The following RPS6KB1 variants were observed in gnomAD, a reference collection of about 807,000 sequenced individuals.
RPS6KB1 encodes the protein ribosomal protein S6 kinase beta-1.
In RPS6KB1, 12 loss-of-function variants were observed where a neutral mutation model predicts 70.2. That is an observed-to-expected ratio of 0.17 (90% confidence interval 0.11 to 0.28). RPS6KB1 has a LOEUF of 0.28. Ranked by LOEUF, RPS6KB1 falls within the 10% of genes least tolerant of loss-of-function variation. The probability of loss-of-function intolerance (pLI) is 1.00; values close to 1 mark genes in which losing one functional copy is unlikely to be tolerated. For missense variants in RPS6KB1, 270 were observed against 646.6 expected, an observed-to-expected ratio of 0.42 and a Z score of 6.32; for synonymous variants, 175 against 211.2, an observed-to-expected ratio of 0.83 and a Z score of 1.49.
At chr17:59,924,839 A>G in intron 4 of RPS6KB1, among the ~76,000 whole-genome samples, 1 of 149,496 alleles carries the variant, frequency 6.7e-6, no homozygotes, top group African/African-American at 2.5e-5. Context: ...TTATTTATTT[A>G]TTTTTTTGAG....
intron 7 of RPS6KB1, among the ~76,000 whole-genome samples, chr17:59,932,285 G>A (rs2043967665): frequency 6.6e-6 from 1 of 151,780 alleles, no homozygotes; most frequent in Non-Finnish European, 1.5e-5. Flanking sequence ...GATGGTGGGT[G>A]CCTGTAATCC....
chr17:59,915,500 C>T (rs901932098), intron 4 of RPS6KB1, among the ~76,000 whole-genome samples: 1 of 151,972 alleles, frequency 6.6e-6, no homozygotes, highest in African/African-American at 2.4e-5. Flanking sequence ...AACTCTCACT[C>T]TGTTGTCCAG....
intron 4 of RPS6KB1, among the ~76,000 whole-genome samples, chr17:59,915,241 G>A (rs181245503): frequency 2.2e-3 from 327 of 151,922 alleles, no homozygotes; most frequent in African/African-American, 7.5e-3. Flanking sequence ...CACCTGCCTC[G>A]GCATCCCAAA....
At chr17:59,897,796 T>C (rs1298843) in intron 1 of RPS6KB1, among the ~76,000 whole-genome samples, 70,216 of 151,526 alleles carry the variant, frequency 0.46, 16,350 homozygotes, top group East Asian at 0.56. Context: ...GAAACCCAGT[T>C]TCTACTAAAA....
In RPS6KB1 at chr17:59,893,652, G is replaced by T; in HGVS notation, c.141+327G>T. 2.1e-6 allele frequency: 1 copy of T among 482,802 alleles called. No individual in the cohort carries two copies. The highest frequency in any genetic ancestry group is 3.0e-6 in the Non-Finnish European group (1 of 334,406). The allele number at this position is 482,802 out of a possible 1,614,324, so 29.9% of individuals were successfully genotyped here. On this transcript the variant is annotated intron_variant, in intron 1 of 14. Transcript: ENST00000225577. The surrounding 1 kb of genome is among the most constrained non-coding windows in gnomAD (Gnocchi z 4.1). Reference sequence around the variant, plus strand: ...GGAGCGGGTGGCGTGAGCGTGTGTTGGGGAGACGGGGGCTGCTCTTGCTGG... The same window carrying T: ...GGAGCGGGTGGCGTGAGCGTGTGTTTGGGAGACGGGGGCTGCTCTTGCTGG...
intron 1 of RPS6KB1, among the ~76,000 whole-genome samples, chr17:59,899,265 C>T (rs1408934310): frequency 6.6e-6 from 1 of 151,418 alleles, no homozygotes; most frequent in Non-Finnish European, 1.5e-5. Flanking sequence ...GTATGTATTA[C>T]ATAATGTTAT....
In RPS6KB1 at chr17:59,945,416, A is replaced by G; in HGVS notation, c.1238A>G (p.Tyr413Cys). The G allele has an allele frequency of 6.3e-7, 1 of 1,590,970 alleles. No individual in the cohort carries two copies. Among genetic ancestry groups the G allele is most frequent in the Non-Finnish European group, 8.6e-7 (1 of 1,159,660 alleles). ...GTTACTGTCTTTCAGGGTTTTACAT[A>G]TGTGGCTCCATCTGTACTTGAAAGT... is the stretch of plus-strand genomic sequence containing the variant. ...SANQVFLGFT[Y>C]VAPSVLESVK... The change falls in exon 14 of 15, where the codon TAT becomes TGT. Residue 413 changes from tyrosine (Y) to cysteine (C), a missense_variant. Tyr to Cys is a radical substitution (Grantham distance 194, BLOSUM62 -2). This residue lies in a region of RPS6KB1 where 133 missense variants were observed against 314.7 expected (regional missense o/e 0.42). Transcript: ENST00000225577.
intron 1 of RPS6KB1, among the ~76,000 whole-genome samples, chr17:59,910,219 C>T (rs1379870047): frequency 6.6e-6 from 1 of 151,354 alleles, no homozygotes; most frequent in Non-Finnish European, 1.5e-5. Flanking sequence ...ACCCGGGTGC[C>T]TATAGTCCCA....
chr17:59,925,126 C>T (rs1351885392), intron 4 of RPS6KB1, among the ~76,000 whole-genome samples: 3 of 152,110 alleles, frequency 2.0e-5, no homozygotes, highest in South Asian at 2.1e-4. Flanking sequence ...CCACTGCGCC[C>T]GGCTGATTTT....
chr17:59,947,571 T>C lies in RPS6KB1; in HGVS notation c.*783T>C, dbSNP rs1372117366. On this transcript the variant is annotated 3_prime_UTR_variant, in exon 15 of 15. Coordinates refer to ENST00000225577, the MANE Select transcript of RPS6KB1 (RefSeq NM_003161.4). ...AGAAAAAAAAAATGAATCTATTTAA[T>C]CATTTCTACTTGCAGTACTGCTATG... 15 of 1,533,480 alleles carry C rather than the reference T, an allele frequency of 9.8e-6. No homozygotes were observed. The highest frequency in any genetic ancestry group is 1.3e-5 in the Non-Finnish European group (15 of 1,131,444). The allele number at this position is 1,533,480 out of a possible 1,614,324, so 95.0% of individuals were successfully genotyped here. A position where few individuals can be genotyped will look rare whatever the true frequency, so the allele number is the denominator to read the frequency against.
rs1422483619 is a variant in RPS6KB1, at chr17:59,948,198, TAAAG to T, written c.*1412_*1415del. 6.5e-6 allele frequency: 1 copy of T among 152,694 alleles called. No individual in the cohort carries two copies. Among genetic ancestry groups the T allele is most frequent in the Non-Finnish European group, 1.5e-5 (1 of 68,062 alleles). 9.5% of individuals were successfully genotyped at this position (152,694 alleles called of 1,614,324 possible). A position where few individuals can be genotyped will look rare whatever the true frequency, so the allele number is the denominator to read the frequency against. On this transcript the variant is annotated 3_prime_UTR_variant, in exon 15 of 15. Transcript: ENST00000225577. ...TACCTTTCTTAAATATTTCCTGCCT[TAAAG>T]AGAGCATTTCCATGACTTTAGCTGG...
At chr17:59,901,625 G>GAAAAAAAAA (rs58530265) in intron 1 of RPS6KB1, among the ~76,000 whole-genome samples, 147 of 78,986 alleles carry the variant, frequency 1.9e-3, no homozygotes, top group African/African-American at 3.3e-3. Flanking sequence ...CCCTGTCTCT[G>GAAAAAAAAA]AAAAAAAAAA....
intron 1 of RPS6KB1, among the ~76,000 whole-genome samples, chr17:59,897,357 A>C (rs1430596891): frequency 6.6e-6 from 1 of 152,248 alleles, no homozygotes; most frequent in Non-Finnish European, 1.5e-5. Flanking sequence ...GCAATTAGCT[A>C]GTTCACAGAA....
intron 4 of RPS6KB1, among the ~76,000 whole-genome samples, chr17:59,917,012 T>A (rs967941108): frequency 2.6e-5 from 4 of 152,242 alleles, no homozygotes; most frequent in African/African-American, 9.6e-5. Context: ...TGATTCCCAG[T>A]CGTTTACACA....
At position 59,934,701 on chromosome 17, in the gene RPS6KB1, G is replaced by A. The variant is rs993600174; in HGVS notation, c.870+177G>A. Reference sequence around the variant, plus strand: ...GATTATATGGGATCCCATACTTTCCGAAACATTTTCTTTTAAATGATCTAT... The same window carrying A: ...GATTATATGGGATCCCATACTTTCCAAAACATTTTCTTTTAAATGATCTAT... On this transcript the variant is annotated intron_variant, in intron 9 of 14. Coordinates refer to ENST00000225577, the MANE Select transcript of RPS6KB1 (RefSeq NM_003161.4). The surrounding 1 kb of genome is among the most constrained non-coding windows in gnomAD (Gnocchi z 4.8). The A allele has an allele frequency of 1.7e-5, 9 of 530,464 alleles. No homozygotes were observed. Among genetic ancestry groups the A allele is most frequent in the African/African-American group, 5.7e-5 (3 of 52,696 alleles). 32.9% of individuals were successfully genotyped at this position (530,464 alleles called of 1,614,324 possible). A position where few individuals can be genotyped will look rare whatever the true frequency, so the allele number is the denominator to read the frequency against.
intron 3 of RPS6KB1, among the ~76,000 whole-genome samples, chr17:59,914,393 A>G (rs2042821317): frequency 6.6e-6 from 1 of 152,216 alleles, no homozygotes; most frequent in African/African-American, 2.4e-5. Flanking sequence ...AGGATTTTAT[A>G]TATTAATATA....
At chr17:59,920,350 A>G (rs2043198764) in intron 4 of RPS6KB1, among the ~76,000 whole-genome samples, 2 of 152,138 alleles carry the variant, frequency 1.3e-5, no homozygotes, top group African/African-American at 4.8e-5. Context: ...TCCAGTGGAG[A>G]ACTACTTTAA....
chr17:59,927,656 G>T (rs1461123800), intron 5 of RPS6KB1, among the ~76,000 whole-genome samples: 1 of 151,140 alleles, frequency 6.6e-6, no homozygotes, highest in Non-Finnish European at 1.5e-5. Flanking sequence ...ACAGGCATGC[G>T]CCACCACACT....
chr17:59,913,034 G>T (rs1568421081), intron 3 of RPS6KB1, among the ~76,000 whole-genome samples: 1 of 152,156 alleles, frequency 6.6e-6, no homozygotes, highest in African/African-American at 2.4e-5. Context: ...AAGGTTCATA[G>T]AATACATAAA....
Sources: gnomAD v4.1 joint callset for allele counts (sites outside exome capture counted in the v4.1 genomes callset) on GRCh38, gnomAD v4.1.1 for gene constraint, gnomAD v4.1.1 regional missense constraint, Gnocchi (gnomAD v3.1) non-coding constraint, MANE v1.5 for transcripts, NCBI Gene and HGNC (gene_info 2026-07-23, HGNC 2026-07-21) for gene names.